GALNT5: variants seen among roughly 807,000 people sequenced by gnomAD.
The protein encoded by GALNT5 is polypeptide N-acetylgalactosaminyltransferase 5, also known as UDP-GalNAc:polypeptide N-acetylgalactosaminyltransferase 5.
In GALNT5, 72 loss-of-function variants were observed where a neutral mutation model predicts 85.4. That is an observed-to-expected ratio of 0.84 (90% CI 0.70 to 1.03). GALNT5 has a LOEUF of 1.03. Among genes scored for constraint, GALNT5 ranks in the 50% least tolerant of loss-of-function variants. The pLI, the probability that GALNT5 is intolerant of heterozygous loss-of-function variation, is 0.00. For missense variants in GALNT5, 1,137 were observed against 1,135.5 expected, an observed-to-expected ratio of 1.00 and a Z score of -0.02; for synonymous variants, 404 against 397.0, an observed-to-expected ratio of 1.02 and a Z score of -0.21.
At chr2:157,291,018 T>C (rs1287473527) in intron 3 of GALNT5, among the ~76,000 whole-genome samples, 1 of 152,138 alleles carries the variant, frequency 6.6e-6, no homozygotes, top group Non-Finnish European at 1.5e-5. Flanking sequence ...GAGGCCCAAG[T>C]AGGATTTTAA....
chr2:157,269,506 AT>A (rs1023936298), intron 1 of GALNT5, among the ~76,000 whole-genome samples: 1 of 152,218 alleles, frequency 6.6e-6, no homozygotes, highest in Non-Finnish European at 1.5e-5. Context: ...TAAGATATAT[AT>A]TTGTCAACAA....
Position 157,313,714 on chromosome 2 carries a change from C to G in GALNT5, c.*2366C>G, listed in dbSNP as rs761046030. ...TGAATACACTTATCTTTGGGTATAT[C>G]AACTAAAGGAAGTTGGATTTTTTTC... On this transcript the variant is annotated 3_prime_UTR_variant, in exon 10 of 10. Coordinates refer to ENST00000259056, the MANE Select transcript of GALNT5 (RefSeq NM_014568.3). The G allele has an allele frequency of 5.9e-5, 9 of 152,208 alleles. No individual in the cohort carries two copies. The highest frequency in any genetic ancestry group is 1.2e-4 in the Non-Finnish European group (8 of 68,004). 9.4% of individuals were successfully genotyped at this position (152,208 alleles called of 1,614,324 possible). A position where few individuals can be genotyped will look rare whatever the true frequency, so the allele number is the denominator to read the frequency against.
At chr2:157,305,930 AT>A in intron 8 of GALNT5, 101 bp downstream of exon 8, 1 of 673,250 alleles carries the variant, frequency 1.5e-6, no homozygotes, top group South Asian at 1.9e-5. Flanking sequence ...CAGAAAAATA[AT>A]TTTCTAAATT....
intron 1 of GALNT5, among the ~76,000 whole-genome samples, chr2:157,278,732 T>G (rs1158799962): frequency 6.6e-6 from 1 of 152,192 alleles, no homozygotes; most frequent in East Asian, 1.9e-4. Flanking sequence ...TTTTCAAGGT[T>G]TTTAGCTTCC....
Position 157,318,475 on chromosome 2 carries a change from A to G in GALNT5, c.*7127A>G, listed in dbSNP as rs1683771846. The stretch of plus-strand genomic sequence containing the variant: ...TTTTAAGACCTTTTTGAAATAAATA[A>G]TGCAAATGAACTAAAATAAAGTGTT... On this transcript the variant is annotated 3_prime_UTR_variant, in exon 10 of 10. Coordinates refer to ENST00000259056, the MANE Select transcript of GALNT5 (RefSeq NM_014568.3). The G allele has an allele frequency of 6.6e-6, 1 of 152,176 alleles. No individual in the cohort carries two copies. Among genetic ancestry groups the G allele is most frequent in the Admixed American group, 6.5e-5 (1 of 15,270 alleles). The allele number at this position is 152,176 out of a possible 1,614,324, so 9.4% of individuals were successfully genotyped here.
At chr2:157,305,572 T>C (rs1683437653) in intron 7 of GALNT5, among the ~76,000 whole-genome samples, 177 bp from the exon 8 acceptor site, 1 of 152,206 alleles carries the variant, frequency 6.6e-6, no homozygotes, top group African/African-American at 2.4e-5. Flanking sequence ...TATTACAAGA[T>C]TACATTATGT....
chr2:157,259,214 C>A lies in GALNT5; in HGVS notation c.1132C>A (p.Leu378Met). The stretch of plus-strand genomic sequence containing the variant: ...TTCACTTGCTCCACATAGAGTGCCA[C>A]TGTCCCAAACTAACCATGCTTTAAC... The part of the protein sequence containing the change: ...SSSLAPHRVP[L>M]SQTNHALTGG... Residue 378 changes from leucine (L) to methionine (M), a missense_variant, in exon 1 of 10, where the codon CTG becomes ATG. Leu to Met is a conservative substitution (Grantham distance 15). Coordinates refer to ENST00000259056, the MANE Select transcript of GALNT5 (RefSeq NM_014568.3). 6.3e-7 allele frequency: 1 copy of A among 1,588,398 alleles called. No individual in the cohort carries two copies. Among genetic ancestry groups the A allele is most frequent in the South Asian group, 1.2e-5 (1 of 86,276 alleles).
intron 1 of GALNT5, among the ~76,000 whole-genome samples, chr2:157,279,087 T>C (rs1682799803): frequency 1.3e-5 from 2 of 152,322 alleles, no homozygotes; most frequent in African/African-American, 4.8e-5. Context: ...CAGCTGCAGA[T>C]CTGTTGGAGT....
rs1683675586 is a variant in GALNT5 at position 157,315,265 on chromosome 2, C to T, written c.*3917C>T. ...TGGGTACAACTCATCAAATGACTCT[C>T]ATTCTCCCTGTTATATGAACAAGAA... On this transcript the variant is annotated 3_prime_UTR_variant, in exon 10 of 10. Coordinates refer to ENST00000259056, the MANE Select transcript of GALNT5 (RefSeq NM_014568.3). 6.6e-6 allele frequency among the ~76,000 whole-genome samples: 1 copy of T among 152,152 alleles called. No individual in the cohort carries two copies. Among genetic ancestry groups the T allele is most frequent in the Non-Finnish European group, 1.5e-5 (1 of 68,032 alleles).
Position 157,257,797 on chromosome 2 carries a change from G to C in GALNT5, c.-286G>C. Reference sequence around the variant, plus strand: ...GATATGTTGAACTGTTCGGTGGCTGGAATCAACTGCTCCTGGAGTGACCTA... The same window carrying C: ...GATATGTTGAACTGTTCGGTGGCTGCAATCAACTGCTCCTGGAGTGACCTA... On this transcript the variant is annotated 5_prime_UTR_variant, in exon 1 of 10. Coordinates refer to ENST00000259056, the MANE Select transcript of GALNT5 (RefSeq NM_014568.3). 1 of 408,062 alleles carries C rather than the reference G, an allele frequency of 2.5e-6. No homozygotes were observed. The highest frequency in any genetic ancestry group is 4.5e-6 in the Non-Finnish European group (1 of 223,224). 25.3% of individuals were successfully genotyped at this position (408,062 alleles called of 1,614,324 possible). A position where few individuals can be genotyped will look rare whatever the true frequency, so the allele number is the denominator to read the frequency against.
In GALNT5 at chr2:157,272,778, T is replaced by C. The variant is rs540963979; in HGVS notation, c.1455-11504T>C. ...CACATTTTCTTTATCCAATCCACCA[T>C]TGAGGGGCACCTAGGTTGATTACAT... On this transcript the variant is annotated intron_variant, in intron 1 of 9. Coordinates refer to ENST00000259056, the MANE Select transcript of GALNT5 (RefSeq NM_014568.3). Among the ~76,000 whole-genome samples, 18 of 152,320 alleles carry C rather than the reference T, an allele frequency of 1.2e-4. No individual in the cohort carries two copies. The South Asian group carries it at 1.9e-3, about 16-fold the overall frequency.
chr2:157,288,736 C>T (rs1294205467), intron 3 of GALNT5, among the ~76,000 whole-genome samples: 1 of 152,154 alleles, frequency 6.6e-6, no homozygotes, highest in Non-Finnish European at 1.5e-5. Context: ...ATTTTGAAAG[C>T]TCATTCTGGC....
At chr2:157,298,890 G>T (rs1683274522) in intron 5 of GALNT5, 1 of 152,374 alleles carries the variant, frequency 6.6e-6, no homozygotes, top group Non-Finnish European at 1.5e-5. Flanking sequence ...CTGAGCGCTT[G>T]CTTGGAGGTT....
At chr2:157,287,467 C>T (rs1016661935) in intron 3 of GALNT5, among the ~76,000 whole-genome samples, 1 of 152,060 alleles carries the variant, frequency 6.6e-6, no homozygotes, top group Admixed American at 6.6e-5. Flanking sequence ...GGATTTATGG[C>T]TCAGAAATTA....
At chr2:157,310,855 T>C (rs1683553446) in intron 9 of GALNT5, among the ~76,000 whole-genome samples, 1 of 152,174 alleles carries the variant, frequency 6.6e-6, no homozygotes, top group African/African-American at 2.4e-5. Context: ...ACGGTATGTA[T>C]TCTTTCTTTA....
Position 157,313,442 on chromosome 2 carries a change from T to G in GALNT5, c.*2094T>G, listed in dbSNP as rs964354363. ...AGAATGTATTTGTGTTATTAAATGATGCATGACTCTAATTCTTTTCAAAAC... is the reference window on the plus strand; with the variant it reads ...AGAATGTATTTGTGTTATTAAATGAGGCATGACTCTAATTCTTTTCAAAAC... On this transcript the variant is annotated 3_prime_UTR_variant, in exon 10 of 10. Coordinates refer to ENST00000259056, the MANE Select transcript of GALNT5 (RefSeq NM_014568.3). 2.0e-5 allele frequency: 3 copies of G among 152,208 alleles called. No homozygotes were observed. Among genetic ancestry groups the G allele is most frequent in the African/African-American group, 2.4e-5 (1 of 41,452 alleles). The allele number at this position is 152,208 out of a possible 1,614,324, so 9.4% of individuals were successfully genotyped here. A position where few individuals can be genotyped will look rare whatever the true frequency, so the allele number is the denominator to read the frequency against.
chr2:157,286,248 TA>T, intron 3 of GALNT5, 114 bp downstream of exon 3: 1 of 764,240 alleles, frequency 1.3e-6, no homozygotes, highest in Non-Finnish European at 2.2e-6. Flanking sequence ...ATGCATCACT[TA>T]GTTCCATCAA....
At chr2:157,310,972 T>G (rs1683555811) in intron 9 of GALNT5, among the ~76,000 whole-genome samples, 2 of 152,222 alleles carry the variant, frequency 1.3e-5, no homozygotes, top group East Asian at 3.8e-4. Context: ...ATTTTTCTTT[T>G]GCCTCCTGAG....
intron 1 of GALNT5, among the ~76,000 whole-genome samples, chr2:157,271,098 G>A (rs575424909): frequency 3.1e-3 from 430 of 138,786 alleles, no homozygotes; most frequent in Middle Eastern, 0.025. Flanking sequence ...CCCAGACTCT[G>A]TCTCAAAAAA....
Sources: allele counts gnomAD v4.1 joint callset (sites outside exome capture counted in the v4.1 genomes callset), GRCh38; gene constraint gnomAD v4.1.1; transcripts MANE v1.5; gene names NCBI Gene and HGNC (gene_info 2026-07-23, HGNC 2026-07-21).